DPP6: variants seen among roughly 807,000 people sequenced by gnomAD.
DPP6 encodes the protein dipeptidyl peptidase like 6.
DPP6 carries 69 observed loss-of-function variants against 122.6 expected under a neutral mutation model. The ratio of observed to expected loss-of-function variants is 0.56; its 90% CI spans 0.46 to 0.69. DPP6 has a LOEUF of 0.69. Ranked by LOEUF, DPP6 falls within the 30% of genes least tolerant of loss-of-function variation. The probability of loss-of-function intolerance (pLI) is 0.00; values close to 1 mark genes in which losing one functional copy is unlikely to be tolerated. For missense variants in DPP6, 928 were observed against 1,116.9 expected, an observed-to-expected ratio of 0.83 and a Z score of 2.41; for synonymous variants, 418 against 433.1, an observed-to-expected ratio of 0.97 and a Z score of 0.43.
chr7:154,608,497 T>A (rs202195864), intron 5 of DPP6, among the ~76,000 whole-genome samples: 54,949 of 146,384 alleles, frequency 0.38, 11,083 homozygotes, highest in Middle Eastern at 0.47. Flanking sequence ...CTGGCTAATT[T>A]TTTTTTTTTT....
intron 1 of DPP6, among the ~76,000 whole-genome samples, chr7:153,960,124 T>A (rs1192074955): frequency 6.6e-6 from 1 of 152,148 alleles, no homozygotes; most frequent in Non-Finnish European, 1.5e-5. Flanking sequence ...CTGATATCAC[T>A]TAGATATCTG....
rs956563013 is a variant in DPP6 at position 154,877,037 on chromosome 7, A to G, written c.2078+937A>G. The G allele has an allele frequency of 2.6e-5, 4 of 152,238 alleles. No individual in the cohort carries two copies. In the East Asian group the frequency reaches 7.7e-4, roughly 29 times the overall value. The allele number at this position is 152,238 out of a possible 1,614,324, so 9.4% of individuals were successfully genotyped here. ...GGTGGAGCACAGAGCCCAGCTCAGTACATGTTTATTGACTGGACCTGGCAT... is the reference window on the plus strand; with the variant it reads ...GGTGGAGCACAGAGCCCAGCTCAGTGCATGTTTATTGACTGGACCTGGCAT... On this transcript the variant is annotated intron_variant, in intron 20 of 25. Coordinates refer to ENST00000377770, the MANE Select transcript of DPP6 (RefSeq NM_130797.4). This position sits in a 1 kb window ranked among gnomAD's most constrained non-coding sequence, Gnocchi z 5.2.
rs951259668 is a variant in DPP6 at position 154,179,431 on chromosome 7, A to G, written c.243+126368A>G. Among the ~76,000 whole-genome samples the G allele has an allele frequency of 1.6e-4, 24 of 152,292 alleles. No homozygotes were observed. In the East Asian group the frequency reaches 4.4e-3, roughly 28 times the overall value. ...GTATGGGTCTTAGAATTTCTTTTAC[A>G]TTAGAAGACTTTGGGCTGAATATTG... On this transcript the variant is annotated intron_variant, in intron 1 of 25. Coordinates refer to ENST00000377770, the MANE Select transcript of DPP6 (RefSeq NM_130797.4).
chr7:154,164,393 TA>T (rs1322902620), intron 1 of DPP6, among the ~76,000 whole-genome samples: 1 of 152,168 alleles, frequency 6.6e-6, no homozygotes, highest in Admixed American at 6.5e-5. Flanking sequence ...CCAACCTATT[TA>T]AAACATTGTC....
chr7:154,611,326 CG>C (rs1833897732), intron 5 of DPP6, among the ~76,000 whole-genome samples: 1 of 152,102 alleles, frequency 6.6e-6, no homozygotes, highest in African/African-American at 2.4e-5. Flanking sequence ...GAAATGGATA[CG>C]GGCAGAGTGT....
chr7:154,523,354 C>T (rs1046812092), intron 3 of DPP6, among the ~76,000 whole-genome samples: 2 of 152,156 alleles, frequency 1.3e-5, no homozygotes, highest in Admixed American at 6.5e-5. Flanking sequence ...TTGTGTCCTC[C>T]ATCAGTTCTT....
intron 1 of DPP6, among the ~76,000 whole-genome samples, chr7:154,091,810 T>G (rs2109329): frequency 0.62 from 92,938 of 151,028 alleles, 28,683 homozygotes; most frequent in African/African-American, 0.72. Flanking sequence ...ACGCAAGGAG[T>G]TGATGTGGAC....
At chr7:154,794,312 G>C (rs979605436) in intron 11 of DPP6, 110 bp downstream of exon 11, 17 of 1,376,088 alleles carry the variant, frequency 1.2e-5, no homozygotes, top group Non-Finnish European at 1.4e-5. Flanking sequence ...CTTGGGGACC[G>C]GCCGCCCAGC....
At chr7:154,543,174 G>A (rs1479966474) in intron 4 of DPP6, among the ~76,000 whole-genome samples, 1 of 152,212 alleles carries the variant, frequency 6.6e-6, no homozygotes, top group African/African-American at 2.4e-5. Context: ...CTGTGAGCTT[G>A]TATAAATGAT....
chr7:153,852,638 G>T, the DPP6 span, among the ~76,000 whole-genome samples: 1 of 152,096 alleles, frequency 6.6e-6, no homozygotes. Context: ...CATATCAGAT[G>T]CACACGAAGG....
intron 1 of DPP6, among the ~76,000 whole-genome samples, chr7:153,939,795 A>G (rs145380238): frequency 2.2e-3 from 336 of 152,358 alleles, no homozygotes; most frequent in African/African-American, 7.6e-3. Flanking sequence ...GCTATGAAAG[A>G]TACTATGCTG....
At chr7:154,449,870 T>TG (rs1650400192) in intron 2 of DPP6, among the ~76,000 whole-genome samples, 5 of 150,184 alleles carry the variant, frequency 3.3e-5, no homozygotes, top group Admixed American at 3.3e-4. Flanking sequence ...TAGCCAGGAG[T>TG]GGTAACACAT....
At chr7:153,932,033 G>A (rs912677128) in intron 1 of DPP6, among the ~76,000 whole-genome samples, 6 of 152,014 alleles carry the variant, frequency 3.9e-5, no homozygotes, top group Non-Finnish European at 7.4e-5. Flanking sequence ...ATTTACAAAT[G>A]ACGAAAGTGA....
Position 154,875,978 on chromosome 7 carries a change from C to A in DPP6, c.1956C>A (p.Ser652Arg). The change falls in exon 20 of 26, where the codon AGC (serine) becomes AGA (arginine). Residue 652 changes from serine (S) to arginine (R), a missense_variant. Physicochemically the swap from Ser to Arg is moderately radical, Grantham distance 110 (BLOSUM62 -1). Coordinates refer to ENST00000377770, the MANE Select transcript of DPP6 (RefSeq NM_130797.4). The surrounding 1 kb of genome is among the most constrained non-coding windows in gnomAD (Gnocchi z 4.5). ...EVSWETVMVS[S>R]HGAVVVKCDG... is the part of the protein sequence containing the mutation. ...GCTGGGAGACGGTGATGGTGAGCAG[C>A]CACGGCGCGGTGGTGGTAAAGTGTG... is the stretch of plus-strand genomic sequence containing the variant. The A allele has an allele frequency of 6.2e-7, 1 of 1,613,504 alleles. No individual in the cohort carries two copies. Among genetic ancestry groups the A allele is most frequent in the Non-Finnish European group, 8.5e-7 (1 of 1,179,752 alleles).
chr7:154,558,267 A>G (rs938040685), intron 4 of DPP6, among the ~76,000 whole-genome samples: 2 of 152,156 alleles, frequency 1.3e-5, no homozygotes, highest in Non-Finnish European at 2.9e-5. Context: ...TCGGTTAATT[A>G]TTGACCTTTA....
chr7:154,749,084 T>C lies in DPP6; in HGVS notation c.884-20333T>C, dbSNP rs537688167. ...GAGCATAGGATGGGAAAGAGAGGGA[T>C]GGAGGCTTTACTGAGAGAGGGTGAG... is the stretch of plus-strand genomic sequence containing the variant. On this transcript the variant is annotated intron_variant, in intron 8 of 25. Coordinates refer to ENST00000377770, the MANE Select transcript of DPP6 (RefSeq NM_130797.4). Among the ~76,000 whole-genome samples the C allele has an allele frequency of 4.9e-5, 7 of 142,324 alleles. No individual in the cohort carries two copies. In the East Asian group the frequency reaches 8.5e-4, roughly 17 times the overall value. 93.4% of individuals were successfully genotyped at this position (142,324 alleles called of 152,430 possible). A position where few individuals can be genotyped will look rare whatever the true frequency, so the allele number is the denominator to read the frequency against.
intron 17 of DPP6, among the ~76,000 whole-genome samples, chr7:154,862,293 C>T (rs948567113): frequency 6.6e-6 from 1 of 152,246 alleles, no homozygotes; most frequent in African/African-American, 2.4e-5. Context: ...TGTCCATTCT[C>T]AGCACATTTG....
At chr7:153,942,627 T>A (rs1801749813) in intron 1 of DPP6, among the ~76,000 whole-genome samples, 1 of 152,202 alleles carries the variant, frequency 6.6e-6, no homozygotes. Context: ...GAGGTAGCTG[T>A]GCTCCAGGCT....
chr7:154,438,469 C>CAAAAAAAAAAA (rs58978160), intron 1 of DPP6, among the ~76,000 whole-genome samples: 486 of 37,538 alleles, frequency 0.013, 6 homozygotes, highest in Middle Eastern at 0.042. Context: ...GACTCCAACT[C>CAAAAAAAAAAA]AAAAAAAAAA....
Sources: allele counts gnomAD v4.1 joint callset (sites outside exome capture counted in the v4.1 genomes callset), GRCh38; gene constraint gnomAD v4.1.1; non-coding constraint Gnocchi (gnomAD v3.1); transcripts MANE v1.5; gene names NCBI Gene and HGNC (gene_info 2026-07-23, HGNC 2026-07-21).